The following EHMT2 variants were observed in gnomAD, a reference collection of about 807,000 sequenced individuals.
EHMT2 encodes the protein histone-lysine N-methyltransferase EHMT2.
In EHMT2, 59 loss-of-function variants were observed where a neutral mutation model predicts 143.3. The ratio of observed to expected loss-of-function variants is 0.41; its 90% CI spans 0.33 to 0.51. The LOEUF (loss-of-function observed/expected upper bound fraction) is 0.51. Ranked by LOEUF, EHMT2 falls within the 20% of genes least tolerant of loss-of-function variation. The pLI, the probability that EHMT2 is intolerant of heterozygous loss-of-function variation, is 0.18. For missense variants in EHMT2, 1,174 were observed against 1,645.9 expected, an observed-to-expected ratio of 0.71 and a Z score of 4.96; for synonymous variants, 604 against 651.5, an observed-to-expected ratio of 0.93 and a Z score of 1.11.
chr6:31,880,624 T>G lies in EHMT2; in HGVS notation c.3452+49A>C, dbSNP rs1208532314. 6.3e-7 allele frequency: 1 copy of G among 1,596,612 alleles called. No homozygotes were observed. The highest frequency in any genetic ancestry group is 8.6e-7 in the Non-Finnish European group (1 of 1,168,590). On this transcript the variant is annotated intron_variant, in intron 27 of 27. Coordinates refer to ENST00000375537, the Ensembl canonical transcript of EHMT2. This position sits in a 1 kb window ranked among gnomAD's most constrained non-coding sequence, Gnocchi z 6.6. ...GCCAGCCTTCAGGTCCCAGGTTTGC[T>G]GCATCTCCCACCCCCTGGCAGAGCC...
chr6:31,887,924 G>A (rs1210633467), exon 14 of EHMT2: 1 of 1,603,046 alleles, frequency 6.2e-7, no homozygotes. Flanking sequence ...GGATCGCAGG[G>A]CGGGCGCCGG....
At position 31,883,624 on chromosome 6, in the gene EHMT2, A is replaced by G. The variant is rs1009450063; in HGVS notation, c.2916+182T>C. On this transcript the variant is annotated intron_variant, in intron 22 of 27. Transcript: ENST00000375537. This position sits in a 1 kb window ranked among gnomAD's most constrained non-coding sequence, Gnocchi z 5.6. ...GTGTCCCCAGGGCTACTGGGAGCTC[A>G]TATGATACCTTGCTGTGACCTAGGA... 10 of 1,038,470 alleles carry G rather than the reference A, an allele frequency of 9.6e-6. No homozygotes were observed. The highest frequency in any genetic ancestry group is 1.4e-5 in the Non-Finnish European group (10 of 695,098). The allele number at this position is 1,038,470 out of a possible 1,614,324, so 64.3% of individuals were successfully genotyped here.
At position 31,880,639 on chromosome 6, in the gene EHMT2, CT is replaced by C. The variant is rs1298909511; in HGVS notation, c.3452+33del. ...CCAGGTTTGCTGCATCTCCCACCCCCTGGCAGAGCCCCTAGAGACCCCTAGA... is the reference window on the plus strand; with the variant it reads ...CCAGGTTTGCTGCATCTCCCACCCCCGGCAGAGCCCCTAGAGACCCCTAGA... On this transcript the variant is annotated intron_variant, in intron 27 of 27. Transcript: ENST00000375537. This position sits in a 1 kb window ranked among gnomAD's most constrained non-coding sequence, Gnocchi z 6.6. 1 of 1,608,214 alleles carries C rather than the reference CT, an allele frequency of 6.2e-7. No individual in the cohort carries two copies. Among genetic ancestry groups the C allele is most frequent in the Non-Finnish European group, 8.5e-7 (1 of 1,176,778 alleles).
intron 17 of EHMT2, 27 bp downstream of exon 17, chr6:31,886,748 G>A (rs373307098): frequency 1.2e-6 from 2 of 1,613,974 alleles, no homozygotes; most frequent in South Asian, 2.2e-5. Context: ...GACTCCGGGG[G>A]CCACGCCCTG....
At chr6:31,891,801 G>A (rs13194087) in intron 7 of EHMT2, among the ~76,000 whole-genome samples, 23,790 of 152,026 alleles carry the variant, frequency 0.16, 3,003 homozygotes, top group African/African-American at 0.35. Context: ...AGTGCTTTCT[G>A]GTCATTTCTT....
chr6:31,880,882 C>T lies in EHMT2; in HGVS notation c.3277-34G>A, dbSNP rs1764022206. Reference sequence around the variant, plus strand: ...GGGGGATGGCACTCTTCACATCTCCCCCGACCCTGCTTGCCCTCCCCACCC... The same window carrying T: ...GGGGGATGGCACTCTTCACATCTCCTCCGACCCTGCTTGCCCTCCCCACCC... On this transcript the variant is annotated intron_variant, in intron 26 of 27. Transcript: ENST00000375537. This position sits in a 1 kb window ranked among gnomAD's most constrained non-coding sequence, Gnocchi z 6.6. 1 of 1,611,812 alleles carries T rather than the reference C, an allele frequency of 6.2e-7. No homozygotes were observed. Among genetic ancestry groups the T allele is most frequent in the South Asian group, 1.1e-5 (1 of 91,036 alleles).
chr6:31,880,067 G>A lies in EHMT2; in HGVS notation c.*17C>T. 6.2e-7 allele frequency: 1 copy of A among 1,605,940 alleles called. No homozygotes were observed. The highest frequency in any genetic ancestry group is 2.2e-5 in the East Asian group (1 of 44,640). ...GCTGTGGCCATCCATGCTGGGGAGAGAGGGTGTGGTCCGTTCTCATGTGTT... is the reference window on the plus strand; with the variant it reads ...GCTGTGGCCATCCATGCTGGGGAGAAAGGGTGTGGTCCGTTCTCATGTGTT... On this transcript the variant is annotated 3_prime_UTR_variant, in exon 28 of 28. Coordinates refer to ENST00000375537, the Ensembl canonical transcript of EHMT2. This position sits in a 1 kb window ranked among gnomAD's most constrained non-coding sequence, Gnocchi z 6.6.
rs1765395820 is a variant in EHMT2, at chr6:31,889,463, C to T, written c.999+5G>A. 5.6e-6 allele frequency: 9 copies of T among 1,612,808 alleles called. No individual in the cohort carries two copies. The highest frequency in any genetic ancestry group is 4.5e-5 in the East Asian group (2 of 44,876). ...CCTCTGGAGATATCAGCCTCCGTCTCTTACCCTATCTGACTGATTCCCTGA... is the reference window on the plus strand; with the variant it reads ...CCTCTGGAGATATCAGCCTCCGTCTTTTACCCTATCTGACTGATTCCCTGA... On this transcript the variant is annotated splice_donor_5th_base_variant and intron_variant, in intron 8 of 27. Coordinates refer to ENST00000375537, the Ensembl canonical transcript of EHMT2. The surrounding 1 kb of genome is among the most constrained non-coding windows in gnomAD (Gnocchi z 5.1).
chr6:31,887,248 C>A (rs1462176093), intron 15 of EHMT2, 147 bp from the exon 16 acceptor site: 3 of 673,240 alleles, frequency 4.5e-6, no homozygotes, highest in Non-Finnish European at 7.6e-6. Flanking sequence ...GCCTCCACCA[C>A]AGCATTTATC....
rs1272426438 is a variant in EHMT2, at chr6:31,888,170, T to C, written c.1616A>G (p.Asp539Gly). 3.1e-6 allele frequency: 5 copies of C among 1,612,696 alleles called. No homozygotes were observed. The highest frequency in any genetic ancestry group is 3.4e-6 in the Non-Finnish European group (4 of 1,179,932). Residue 539 changes from aspartate to glycine, a missense_variant, in exon 13 of 28, where the codon GAT (aspartate) becomes GGT (glycine). Asp to Gly is a moderately conservative substitution (Grantham distance 94, BLOSUM62 -1). This residue lies in a region of EHMT2 where 608 missense variants were observed against 903.7 expected (regional missense o/e 0.67). Transcript: ENST00000375537. The surrounding 1 kb of genome is among the most constrained non-coding windows in gnomAD (Gnocchi z 7.4). Reference sequence around the variant, plus strand: ...GGTCACCTCTTGAGCTTCAGAAGCATCCTCCCCACAGTGGGGACAGAAGAC... The same window carrying C: ...GGTCACCTCTTGAGCTTCAGAAGCACCCTCCCCACAGTGGGGACAGAAGAC...
intron 7 of EHMT2, among the ~76,000 whole-genome samples, chr6:31,891,616 T>C (rs1765694499): frequency 6.6e-6 from 1 of 152,298 alleles, no homozygotes; most frequent in South Asian, 2.1e-4. Context: ...TTGATTATGC[T>C]TGCAAGTTTT....
At chr6:31,887,072 C>T (rs777225931) in exon 16 of EHMT2, 7 of 1,611,194 alleles carry the variant, frequency 4.3e-6, no homozygotes, top group Admixed American at 1.7e-5. Context: ...CTCTGCTGGT[C>T]GCTCTGGAAG....
exon 7 of EHMT2, chr6:31,892,520 G>A (rs141789379): frequency 1.5e-4 from 249 of 1,612,890 alleles, no homozygotes; most frequent in Non-Finnish European, 2.1e-4. Flanking sequence ...CCTTTCGTCA[G>A]GGTCACTTCT....
intron 13 of EHMT2, 39 bp from the exon 14 acceptor site, chr6:31,888,000 T>A (rs1016462956): frequency 1.6e-5 from 24 of 1,543,452 alleles, no homozygotes; most frequent in Non-Finnish European, 2.0e-5. Flanking sequence ...GCAATAGGGG[T>A]GGGGGAGGGA....
chr6:31,893,097 A>T, intron 4 of EHMT2, 187 bp from the exon 5 acceptor site: 1 of 571,436 alleles, frequency 1.7e-6, no homozygotes, highest in Middle Eastern at 4.5e-4. Context: ...GCACACTAAC[A>T]CTCACTCATC....
intron 7 of EHMT2, among the ~76,000 whole-genome samples, chr6:31,891,421 G>A (rs1765669089): frequency 1.3e-5 from 2 of 152,286 alleles, no homozygotes; most frequent in Middle Eastern, 3.4e-3. Context: ...GACAAAAAGA[G>A]GCCTTATATT....
chr6:31,896,223 G>A (rs1180540768), intron 4 of EHMT2, 40 bp downstream of exon 4: 3 of 1,575,170 alleles, frequency 1.9e-6, no homozygotes, highest in African/African-American at 2.7e-5. Context: ...GCTCACCAAA[G>A]GTTTATGGTT....
chr6:31,897,222 G>C (rs1381523271), intron 1 of EHMT2: 1 of 1,227,374 alleles, frequency 8.1e-7, no homozygotes, highest in Non-Finnish European at 1.0e-6. Flanking sequence ...CGAGAGAAGA[G>C]GAGGGGGAGG....
chr6:31,897,358 G>T, intron 1 of EHMT2: 1 of 462,968 alleles, frequency 2.2e-6, no homozygotes, highest in Non-Finnish European at 3.4e-6. Flanking sequence ...CCCCAGCCCG[G>T]TGGACGGCCC....
Sources: gnomAD v4.1 joint callset for allele counts (sites outside exome capture counted in the v4.1 genomes callset) on GRCh38, gnomAD v4.1.1 for gene constraint, gnomAD v4.1.1 regional missense constraint, Gnocchi (gnomAD v3.1) non-coding constraint, MANE v1.5 for transcripts, NCBI Gene and HGNC (gene_info 2026-07-23, HGNC 2026-07-21) for gene names.